The following EYS variants were observed in gnomAD, a reference collection of about 807,000 sequenced individuals.
EYS encodes the protein EGF-like photoreceptor maintenance factor, also known as protein eyes shut homolog.
In EYS, 250 loss-of-function variants were observed where a neutral mutation model predicts 282.1. That is an observed-to-expected ratio of 0.89 (90% CI 0.80 to 0.98). The LOEUF (loss-of-function observed/expected upper bound fraction) is 0.98, where lower values mean the gene tolerates loss of function less well. EYS is among the 50% of genes least tolerant of loss of function. The pLI, the probability that EYS is intolerant of heterozygous loss-of-function variation, is 0.00. For missense variants in EYS, 4,016 were observed against 3,709.0 expected (o/e 1.08, Z -2.15); for synonymous variants, 1,355 against 1,282.9 (o/e 1.06, Z -1.20).
At chr6:64,547,978 G>A (rs542411881) in intron 26 of EYS, among the ~76,000 whole-genome samples, 18 of 152,338 alleles carry the variant, frequency 1.2e-4, no homozygotes, top group Admixed American at 4.6e-4. Context: ...CTCCAAGTGC[G>A]GGACCAGCCA....
intron 4 of EYS, 146 bp downstream of exon 4, chr6:65,494,517 G>C: frequency 1.5e-6 from 1 of 655,332 alleles, no homozygotes; most frequent in Non-Finnish European, 2.6e-6. Context: ...TCCTGACCTC[G>C]TGATCCACCC....
At chr6:63,831,942 T>G (rs139080441) in intron 36 of EYS, among the ~76,000 whole-genome samples, 18,288 of 152,088 alleles carry the variant, frequency 0.12, 1,318 homozygotes, top group African/African-American at 0.19. Context: ...ACATGGAAAC[T>G]GAACAACCTG....
chr6:64,411,925 G>GTATATATGTTTATATATGCATGCATA lies in EYS; in HGVS notation c.5928-23086_5928-23085insTATGCATGCATATATAAACATATATA, dbSNP rs1561980315. Reference sequence around the variant, plus strand: ...TATATATGTTTATATATGCATGCATGTATGTATATATGTTTATATATGCAT... The same window carrying GTATATATGTTTATATATGCATGCATA: ...TATATATGTTTATATATGCATGCATGTATATATGTTTATATATGCATGCATATATGTATATATGTTTATATATGCAT... On this transcript the variant is annotated intron_variant, in intron 28 of 42. Transcript: ENST00000503581. Among the ~76,000 whole-genome samples the GTATATATGTTTATATATGCATGCATA allele has an allele frequency of 2.9e-4, 34 of 117,380 alleles. 1 individual carries two copies. Among genetic ancestry groups the GTATATATGTTTATATATGCATGCATA allele is most frequent in the East Asian group, 8.6e-4 (3 of 3,498 alleles). The allele number at this position is 117,380 out of a possible 152,430, so 77.0% of individuals were successfully genotyped here. A position where few individuals can be genotyped will look rare whatever the true frequency, so the allele number is the denominator to read the frequency against.
intron 22 of EYS, among the ~76,000 whole-genome samples, chr6:64,686,823 GTA>G (rs1195521870): frequency 0.18 from 5,055 of 27,922 alleles, 1,768 homozygotes; most frequent in Non-Finnish European, 0.3. Context: ...ATATATATGT[GTA>G]TATATATATA....
chr6:65,660,634 C>T (rs1219531008), intron 1 of EYS, among the ~76,000 whole-genome samples: 1 of 151,676 alleles, frequency 6.6e-6, no homozygotes, highest in East Asian at 1.9e-4. Flanking sequence ...CTCACACAAA[C>T]ACACTCACAC....
Position 63,788,265 on chromosome 6 carries a change from A to G in EYS, c.7579-16T>C. 6.6e-7 allele frequency: 1 copy of G among 1,512,492 alleles called. No individual in the cohort carries two copies. Among genetic ancestry groups the G allele is most frequent in the Non-Finnish European group, 8.8e-7 (1 of 1,130,972 alleles). The allele number at this position is 1,512,492 out of a possible 1,614,324, so 93.7% of individuals were successfully genotyped here. A position where few individuals can be genotyped will look rare whatever the true frequency, so the allele number is the denominator to read the frequency against. ...GATCATCTACCTTCGAAAGGGAAAA[A>G]AAACCTATTAAAAAAGGAATTAATT... On this transcript the variant is annotated splice_polypyrimidine_tract_variant and intron_variant, in intron 38 of 42. Coordinates refer to ENST00000503581, the MANE Select transcript of EYS (RefSeq NM_001142800.2).
At chr6:65,465,310 T>G (rs1764961717) in intron 5 of EYS, among the ~76,000 whole-genome samples, 2 of 151,416 alleles carry the variant, frequency 1.3e-5, no homozygotes, top group South Asian at 4.2e-4. Flanking sequence ...GTACCTCATC[T>G]CCCCCCATTT....
chr6:64,423,323 T>C (rs916596131), intron 28 of EYS, among the ~76,000 whole-genome samples: 2 of 152,210 alleles, frequency 1.3e-5, no homozygotes, highest in African/African-American at 4.8e-5. Context: ...ACCTAGACCA[T>C]TAAGCAATTT....
chr6:64,506,971 G>GTT lies in EYS; in HGVS notation c.5645-67621_5645-67620dup, dbSNP rs36120803. On this transcript the variant is annotated intron_variant, in intron 26 of 42. Transcript: ENST00000503581. ...TAAAGTAGTCCTCCCTCCAGTTTCAGTTTTTTTTTTTTTTTTGAGATGGAG... is the reference window on the plus strand; with the variant it reads ...TAAAGTAGTCCTCCCTCCAGTTTCAGTTTTTTTTTTTTTTTTTTGAGATGGAG... Among the ~76,000 whole-genome samples the GTT allele has an allele frequency of 2.8e-4, 33 of 117,960 alleles. 1 individual carries two copies. Among genetic ancestry groups the GTT allele is most frequent in the Non-Finnish European group, 4.3e-4 (26 of 60,268 alleles). 77.4% of individuals were successfully genotyped at this position (117,960 alleles called of 152,430 possible).
intron 5 of EYS, 110 bp from the exon 6 acceptor site, chr6:65,405,477 T>C (rs1162306963): frequency 5.8e-6 from 5 of 856,230 alleles, no homozygotes; most frequent in Non-Finnish European, 9.3e-6. Flanking sequence ...GTTTATGAAA[T>C]ATTTTTATTT....
intron 12 of EYS, among the ~76,000 whole-genome samples, chr6:65,210,695 TA>T (rs1766152739): frequency 6.6e-6 from 1 of 152,026 alleles, no homozygotes; most frequent in African/African-American, 2.4e-5. Flanking sequence ...AATAAAAAGA[TA>T]ATGGGGGTAA....
chr6:64,313,535 C>T (rs1441787160), intron 29 of EYS, among the ~76,000 whole-genome samples: 3 of 151,952 alleles, frequency 2.0e-5, no homozygotes, highest in Non-Finnish European at 2.9e-5. Context: ...ACAGAGAACA[C>T]CACAAAGATA....
intron 18 of EYS, among the ~76,000 whole-genome samples, chr6:64,894,440 T>G (rs118179202): frequency 9.3e-4 from 141 of 152,222 alleles, no homozygotes; most frequent in Admixed American, 6.5e-3. Flanking sequence ...TGACGGGGTT[T>G]TAGAAATGAA....
chr6:65,514,974 A>C (rs1278757997), intron 2 of EYS, among the ~76,000 whole-genome samples: 1 of 152,176 alleles, frequency 6.6e-6, no homozygotes, highest in Non-Finnish European at 1.5e-5. Flanking sequence ...TCTGCACAGC[A>C]AAAGAAACTA....
chr6:64,700,751 C>T (rs1006580383), intron 22 of EYS, among the ~76,000 whole-genome samples: 14 of 151,884 alleles, frequency 9.2e-5, no homozygotes, highest in African/African-American at 3.1e-4. Flanking sequence ...AAAAACATCC[C>T]ATGATCATGG....
chr6:65,559,642 T>G (rs528992019), intron 2 of EYS, among the ~76,000 whole-genome samples: 2 of 152,194 alleles, frequency 1.3e-5, no homozygotes, highest in Non-Finnish European at 2.9e-5. Flanking sequence ...GTTTTTACTA[T>G]AGTTTACATC....
chr6:63,847,192 C>T (rs1475194657), intron 36 of EYS, among the ~76,000 whole-genome samples: 1 of 152,104 alleles, frequency 6.6e-6, no homozygotes, highest in Non-Finnish European at 1.5e-5. Flanking sequence ...TATATAAGAC[C>T]ACTTATCCTT....
At chr6:65,092,632 GT>G (rs1774607906) in intron 12 of EYS, among the ~76,000 whole-genome samples, 1 of 152,124 alleles carries the variant, frequency 6.6e-6, no homozygotes, top group African/African-American at 2.4e-5. Context: ...GCCAGGCATA[GT>G]TTTTTAGTTG....
chr6:64,486,049 C>A (rs552119590), intron 26 of EYS, among the ~76,000 whole-genome samples: 61 of 151,410 alleles, frequency 4.0e-4, no homozygotes, highest in African/African-American at 1.4e-3. Flanking sequence ...TCCACTGTAA[C>A]CTTTTATTGT....
Sources: gnomAD v4.1 joint callset for allele counts (sites outside exome capture counted in the v4.1 genomes callset) on GRCh38, gnomAD v4.1.1 for gene constraint, MANE v1.5 for transcripts, NCBI Gene and HGNC (gene_info 2026-07-23, HGNC 2026-07-21) for gene names.